The following RCAN3 variants were observed in gnomAD, a reference collection of about 807,000 sequenced individuals.
RCAN3 encodes the protein regulator of calcineurin 3.
RCAN3 carries 19 observed loss-of-function variants against 21.9 expected under a neutral mutation model. That is an observed-to-expected ratio of 0.87 (90% confidence interval 0.61 to 1.27). RCAN3 has a LOEUF of 1.27. RCAN3 is among the 50% of genes most tolerant of loss of function. RCAN3 has a pLI of 0.00. For synonymous variants in RCAN3, 114 were observed against 112.3 expected, an observed-to-expected ratio of 1.01 and a Z score of -0.09; for missense variants, 240 against 300.1, an observed-to-expected ratio of 0.80 and a Z score of 1.48.
chr1:24,508,764 TA>T (rs1185559020), intron 1 of RCAN3, among the ~76,000 whole-genome samples: 2 of 152,224 alleles, frequency 1.3e-5, no homozygotes, highest in African/African-American at 2.4e-5. Flanking sequence ...CCAGTGCATA[TA>T]AAAGTCTTGT....
chr1:24,506,362 A>G (rs1466077886), intron 1 of RCAN3, among the ~76,000 whole-genome samples: 1 of 152,242 alleles, frequency 6.6e-6, no homozygotes, highest in Non-Finnish European at 1.5e-5. Context: ...CTAAGACATT[A>G]TTAGGATAAC....
chr1:24,515,907 G>A (rs12138128), intron 2 of RCAN3, among the ~76,000 whole-genome samples: 1 of 152,222 alleles, frequency 6.6e-6, no homozygotes, highest in Non-Finnish European at 1.5e-5. Context: ...TACTTTGGGA[G>A]GCCAAGGCAG....
chr1:24,509,155 C>T (rs141300793), intron 1 of RCAN3, among the ~76,000 whole-genome samples: 1 of 152,250 alleles, frequency 6.6e-6, no homozygotes, highest in East Asian at 1.9e-4. Flanking sequence ...AGTGAGACCC[C>T]ACCCCATCTC....
At chr1:24,528,254 G>GAAAAAAAAA (rs57400823) in intron 2 of RCAN3, among the ~76,000 whole-genome samples, 9 of 121,996 alleles carry the variant, frequency 7.4e-5, no homozygotes, top group South Asian at 2.5e-4. Context: ...TGGAAAAAAA[G>GAAAAAAAAA]AAAAAAAAAA....
Position 24,535,426 on chromosome 1 carries a change from G to A in RCAN3, c.*149G>A. On this transcript the variant is annotated 3_prime_UTR_variant, in exon 5 of 5. Coordinates refer to ENST00000374395, the MANE Select transcript of RCAN3 (RefSeq NM_013441.4). The stretch of plus-strand genomic sequence containing the variant: ...CTCACCACGCCTGTACTGCAGACAC[G>A]GTCGTGTAGAGTAGCAGCTGATTTG... 2.7e-6 allele frequency: 2 copies of A among 749,092 alleles called. No homozygotes were observed. The highest frequency in any genetic ancestry group is 4.3e-4 in the Middle Eastern group (1 of 2,348). The allele number at this position is 749,092 out of a possible 1,614,324, so 46.4% of individuals were successfully genotyped here. A position where few individuals can be genotyped will look rare whatever the true frequency, so the allele number is the denominator to read the frequency against.
rs907376805 is a variant in RCAN3, at chr1:24,539,413, A to G, written c.*4136A>G. On this transcript the variant is annotated 3_prime_UTR_variant, in exon 5 of 5. Coordinates refer to ENST00000374395, the MANE Select transcript of RCAN3 (RefSeq NM_013441.4). The stretch of plus-strand genomic sequence containing the variant: ...ATTGGGGCTGGAATCTGCCTAAATA[A>G]TTTTATCTTGGTAGCCAGCAATTAT... The G allele has an allele frequency of 6.6e-6, 1 of 152,148 alleles. No individual in the cohort carries two copies. The highest frequency in any genetic ancestry group is 2.4e-5 in the African/African-American group (1 of 41,422). The allele number at this position is 152,148 out of a possible 1,614,324, so 9.4% of individuals were successfully genotyped here.
In RCAN3 at chr1:24,535,519, G is replaced by A; in HGVS notation, c.*242G>A. 5.1e-6 allele frequency: 2 copies of A among 393,522 alleles called. No homozygotes were observed. Among genetic ancestry groups the A allele is most frequent in the Non-Finnish European group, 4.4e-6 (1 of 226,642 alleles). The allele number at this position is 393,522 out of a possible 1,614,324, so 24.4% of individuals were successfully genotyped here. Reference sequence around the variant, plus strand: ...ATTAAAGGAGAAGCCCCCAAGATGTGGCCACCCTTAACCATTTTTAAATAG... The same window carrying A: ...ATTAAAGGAGAAGCCCCCAAGATGTAGCCACCCTTAACCATTTTTAAATAG... On this transcript the variant is annotated 3_prime_UTR_variant, in exon 5 of 5. Coordinates refer to ENST00000374395, the MANE Select transcript of RCAN3 (RefSeq NM_013441.4).
At chr1:24,515,423 GAGA>G (rs1648225201) in intron 2 of RCAN3, among the ~76,000 whole-genome samples, 1 of 117,424 alleles carries the variant, frequency 8.5e-6, no homozygotes, top group African/African-American at 4.4e-5. Context: ...TACCTAGAAA[GAGA>G]GGTGTGTGTG....
At chr1:24,505,512 C>G (rs1157307868) in intron 1 of RCAN3, among the ~76,000 whole-genome samples, 1 of 152,066 alleles carries the variant, frequency 6.6e-6, no homozygotes. Flanking sequence ...CATGAGCCAC[C>G]ACACCAGTCC....
rs1485572146 is a variant in RCAN3 at position 24,503,086 on chromosome 1, C to G, written c.-124C>G. On this transcript the variant is annotated 5_prime_UTR_variant, in exon 1 of 5. Coordinates refer to ENST00000374395, the MANE Select transcript of RCAN3 (RefSeq NM_013441.4). ...AGCCCGGGCCCGTCCGCTGCCCTCC[C>G]GGCTCCCGTCCTGCGGCGGCGGGGC... 1 of 148,024 alleles carries G rather than the reference C, an allele frequency of 6.8e-6. No individual in the cohort carries two copies. The highest frequency in any genetic ancestry group is 6.7e-5 in the Admixed American group (1 of 14,936). The allele number at this position is 148,024 out of a possible 1,614,324, so 9.2% of individuals were successfully genotyped here. A position where few individuals can be genotyped will look rare whatever the true frequency, so the allele number is the denominator to read the frequency against.
Position 24,514,416 on chromosome 1 carries a change from A to T in RCAN3, c.44A>T (p.Asp15Val). The T allele has an allele frequency of 1.9e-6, 3 of 1,614,152 alleles. No individual in the cohort carries two copies. Among genetic ancestry groups the T allele is most frequent in the Non-Finnish European group, 2.5e-6 (3 of 1,180,008 alleles). ...AAATCTTGGAATGATAGCCAGTCAG[A>T]TCTGTGTAGCACTGACCAAGAAGAG... ...TMKSWNDSQS[D>V]LCSTDQEEEE... The change falls in exon 2 of 5, where the codon GAT becomes GTT. Residue 15 changes from aspartate to valine, a missense_variant. By Grantham distance (152) the Asp-to-Val change is radical. Transcript: ENST00000374395.
chr1:24,507,727 G>A (rs1465739884), intron 1 of RCAN3: 1 of 152,224 alleles, frequency 6.6e-6, no homozygotes, highest in African/African-American at 2.4e-5. Flanking sequence ...CACGATAAAT[G>A]AGTAAGTTAA....
At chr1:24,515,971 C>T (rs1487463004) in intron 2 of RCAN3, among the ~76,000 whole-genome samples, 1 of 151,964 alleles carries the variant, frequency 6.6e-6, no homozygotes, top group East Asian at 1.9e-4. Context: ...GGTGAAACCC[C>T]GTTTCTACTA....
At position 24,533,117 on chromosome 1, in the gene RCAN3, A is replaced by G. The variant is rs758080794; in HGVS notation, c.404A>G (p.Tyr135Cys). The change falls in exon 4 of 5, where the codon TAT becomes TGT. Residue 135 changes from tyrosine to cysteine, a missense_variant. Coordinates refer to ENST00000374395, the MANE Select transcript of RCAN3 (RefSeq NM_013441.4). ...QMSGEVRDKS[Y>C]LLPPQPVKQF... ...TCCGGCGAAGTGCGGGACAAGTCCT[A>G]TCTCCTGCCGCCCCAGCCTGTCAAG... The G allele has an allele frequency of 9.6e-6, 15 of 1,556,104 alleles. No homozygotes were observed. Among genetic ancestry groups the G allele is most frequent in the Admixed American group, 4.1e-5 (2 of 48,942 alleles).
rs1649184108 is a variant in RCAN3, at chr1:24,525,469, CGTT to C, written c.196-5746_196-5744del. Among the ~76,000 whole-genome samples the C allele has an allele frequency of 6.6e-6, 1 of 152,028 alleles. No individual in the cohort carries two copies. Among genetic ancestry groups the C allele is most frequent in the Admixed American group, 6.5e-5 (1 of 15,280 alleles). ...GCATTGTTTGTGTTATGCCTGTAGACGTTGTGCTGCCAGAGGGGGATACTAAGT... is the reference window on the plus strand; with the variant it reads ...GCATTGTTTGTGTTATGCCTGTAGACGTGCTGCCAGAGGGGGATACTAAGT... On this transcript the variant is annotated intron_variant, in intron 2 of 4. Coordinates refer to ENST00000374395, the MANE Select transcript of RCAN3 (RefSeq NM_013441.4). This position sits in a 1 kb window ranked among gnomAD's most constrained non-coding sequence, Gnocchi z 4.1.
At position 24,539,740 on chromosome 1, in the gene RCAN3, A is replaced by G. The variant is rs1650408972; in HGVS notation, c.*4463A>G. The G allele has an allele frequency of 6.6e-6, 1 of 152,248 alleles. No homozygotes were observed. Among genetic ancestry groups the G allele is most frequent in the Non-Finnish European group, 1.5e-5 (1 of 68,044 alleles). 9.4% of individuals were successfully genotyped at this position (152,248 alleles called of 1,614,324 possible). On this transcript the variant is annotated 3_prime_UTR_variant, in exon 5 of 5. Transcript: ENST00000374395. ...AGCAGTGGAAAATGTGCTCAATGCT[A>G]TGGTGCGTCAGGCCCTCTGTCTACC...
intron 2 of RCAN3, among the ~76,000 whole-genome samples, chr1:24,524,444 CT>C (rs1176144718): frequency 6.6e-6 from 1 of 152,178 alleles, no homozygotes; most frequent in Admixed American, 6.5e-5. Flanking sequence ...CCCTCTAGCA[CT>C]TTTGACTGTA....
rs901835981 is a variant in RCAN3 at position 24,535,935 on chromosome 1, C to T, written c.*658C>T. The T allele has an allele frequency of 5.9e-5, 9 of 152,192 alleles. No individual in the cohort carries two copies. The highest frequency in any genetic ancestry group is 1.7e-4 in the African/African-American group (7 of 41,450). 9.4% of individuals were successfully genotyped at this position (152,192 alleles called of 1,614,324 possible). On this transcript the variant is annotated 3_prime_UTR_variant, in exon 5 of 5. Transcript: ENST00000374395. ...TGTTGCTCTTATCTGGAATTTGGGA[C>T]AAAGCAATGCACAGGCCCTCATTCC...
At chr1:24,503,838 A>G (rs1032393463) in intron 1 of RCAN3, among the ~76,000 whole-genome samples, 2 of 152,260 alleles carry the variant, frequency 1.3e-5, no homozygotes, top group African/African-American at 4.8e-5. Flanking sequence ...GGAAGCCACC[A>G]AGTACACCAC....
Sources: gnomAD v4.1 joint callset for allele counts (sites outside exome capture counted in the v4.1 genomes callset) on GRCh38, gnomAD v4.1.1 for gene constraint, Gnocchi (gnomAD v3.1) non-coding constraint, MANE v1.5 for transcripts, NCBI Gene and HGNC (gene_info 2026-07-23, HGNC 2026-07-21) for gene names.